Variants in LCP1 observed in about 807,000 individuals in gnomAD.
LCP1 encodes the protein lymphocyte cytosolic protein 1.
In LCP1, 23 loss-of-function variants were observed where a neutral mutation model predicts 72.0. The ratio of observed to expected loss-of-function variants is 0.32; its 90% CI spans 0.23 to 0.45. The LOEUF (loss-of-function observed/expected upper bound fraction) is 0.45, where lower values mean the gene tolerates loss of function less well. Ranked by LOEUF, LCP1 falls within the 20% of genes least tolerant of loss-of-function variation. LCP1 has a pLI of 1.00. For missense variants in LCP1, 571 were observed against 748.3 expected, an observed-to-expected ratio of 0.76 and a Z score of 2.76; for synonymous variants, 245 against 275.4, an observed-to-expected ratio of 0.89 and a Z score of 1.09.
rs544706473 is a variant in LCP1 at position 46,178,750 on chromosome 13, G to A, written c.-25+3361C>T. 1.4e-3 allele frequency among the ~76,000 whole-genome samples: 214 copies of A among 152,212 alleles called. 1 individual carries two copies. The Middle Eastern group carries it at 0.024, about 17-fold the overall frequency. On this transcript the variant is annotated intron_variant, in intron 1 of 15. Transcript: ENST00000323076. ...AAACTAGCAGATAAAAAAACACTAGGAAGAAAATTAGATTAACTGAAATAA... is the reference window on the plus strand; with the variant it reads ...AAACTAGCAGATAAAAAAACACTAGAAAGAAAATTAGATTAACTGAAATAA...
intron 1 of LCP1, among the ~76,000 whole-genome samples, chr13:46,161,546 T>C (rs2045838493): frequency 6.6e-6 from 1 of 152,122 alleles, no homozygotes; most frequent in South Asian, 2.1e-4. Flanking sequence ...TCTCTCTCTC[T>C]CCCTCCCTCT....
intron 9 of LCP1, 54 bp downstream of exon 9, chr13:46,148,298 G>A: frequency 1.6e-6 from 2 of 1,289,654 alleles, no homozygotes; most frequent in Non-Finnish European, 2.2e-6. Flanking sequence ...TAATGGAACT[G>A]CCAACATGAA....
At chr13:46,175,697 A>G (rs959120911) in intron 1 of LCP1, among the ~76,000 whole-genome samples, 4 of 152,206 alleles carry the variant, frequency 2.6e-5, no homozygotes, top group Admixed American at 6.5e-5. Flanking sequence ...TCCCAACATG[A>G]ATGACAGCAA....
intron 1 of LCP1, among the ~76,000 whole-genome samples, chr13:46,161,722 C>A (rs938968183): frequency 6.6e-6 from 1 of 152,084 alleles, no homozygotes; most frequent in African/African-American, 2.4e-5. Flanking sequence ...AGAAAGAAAG[C>A]GTAACTGAAA....
chr13:46,164,110 G>C (rs533222931), intron 1 of LCP1, among the ~76,000 whole-genome samples: 2 of 152,302 alleles, frequency 1.3e-5, no homozygotes, highest in Admixed American at 1.3e-4. Context: ...CAATGTCAAA[G>C]GTAAGGAGGA....
intron 15 of LCP1, among the ~76,000 whole-genome samples, chr13:46,129,845 T>C (rs1419349801): frequency 6.6e-6 from 1 of 152,194 alleles, no homozygotes; most frequent in Non-Finnish European, 1.5e-5. Flanking sequence ...CAGATGTAAG[T>C]AGTTAAGACG....
rs1201297488 is a variant in LCP1 at position 46,126,838 on chromosome 13, G to A, written c.*753C>T. 1 of 230,852 alleles carries A rather than the reference G, an allele frequency of 4.3e-6. No individual in the cohort carries two copies. Among genetic ancestry groups the A allele is most frequent in the African/African-American group, 2.2e-5 (1 of 45,216 alleles). 14.3% of individuals were successfully genotyped at this position (230,852 alleles called of 1,614,324 possible). A position where few individuals can be genotyped will look rare whatever the true frequency, so the allele number is the denominator to read the frequency against. ...GCAGAGTATTCAAGATGTTAGATCT[G>A]GTCCAAGCCCAAATTCTAGAGTTAA... On this transcript the variant is annotated 3_prime_UTR_variant, in exon 16 of 16. Transcript: ENST00000323076.
chr13:46,134,328 A>T, intron 13 of LCP1, 78 bp from the exon 14 acceptor site: 4 of 1,446,368 alleles, frequency 2.8e-6, no homozygotes, highest in African/African-American at 1.4e-5. Context: ...TAAGGATGGA[A>T]TTTTTTTTTC....
At chr13:46,131,010 G>A in intron 14 of LCP1, 72 bp from the exon 15 acceptor site, 1 of 1,469,944 alleles carries the variant, frequency 6.8e-7, no homozygotes, top group Non-Finnish European at 9.0e-7. Flanking sequence ...AAGGAAGTGG[G>A]TGGCTTTTTC....
Position 46,150,929 on chromosome 13 carries a change from C to T in LCP1, c.882+7G>A, listed in dbSNP as rs1257061088. The T allele has an allele frequency of 2.5e-6, 4 of 1,612,554 alleles. No homozygotes were observed. The highest frequency in any genetic ancestry group is 3.4e-6 in the Non-Finnish European group (4 of 1,179,410). Reference sequence around the variant, plus strand: ...AGAGAGTCATGTTCAAACAACGCTCCTCCTACCTTGATGTCAGTACTGAAG... The same window carrying T: ...AGAGAGTCATGTTCAAACAACGCTCTTCCTACCTTGATGTCAGTACTGAAG... On this transcript the variant is annotated splice_region_variant and intron_variant, in intron 8 of 15. Transcript: ENST00000323076.
intron 4 of LCP1, 141 bp downstream of exon 4, chr13:46,158,381 G>T: frequency 2.4e-6 from 2 of 821,804 alleles, no homozygotes; most frequent in Non-Finnish European, 3.8e-6. Flanking sequence ...ACCCAGAACT[G>T]ACCCACTTAG....
At chr13:46,131,672 C>T (rs1463881219) in intron 14 of LCP1, among the ~76,000 whole-genome samples, 1 of 152,054 alleles carries the variant, frequency 6.6e-6, no homozygotes, top group Non-Finnish European at 1.5e-5. Context: ...TACTATGCAG[C>T]CACAAAAGAG....
chr13:46,158,802 C>T (rs370470270), intron 3 of LCP1, 24 bp downstream of exon 3: 32 of 1,612,008 alleles, frequency 2.0e-5, no homozygotes, highest in Non-Finnish European at 2.5e-5. Flanking sequence ...AAATGTGTCT[C>T]CTTGTATTCT....
intron 13 of LCP1, among the ~76,000 whole-genome samples, chr13:46,136,664 A>C (rs1251577164): frequency 1.3e-5 from 2 of 152,182 alleles, no homozygotes; most frequent in Non-Finnish European, 2.9e-5. Context: ...TTATGGCATA[A>C]CTGGCTTCTT....
intron 10 of LCP1, among the ~76,000 whole-genome samples, chr13:46,146,590 A>G (rs903391531): frequency 6.6e-6 from 1 of 152,226 alleles, no homozygotes. Flanking sequence ...AACACAGTCC[A>G]TTAAGTACGT....
chr13:46,161,675 A>G (rs868528069), intron 1 of LCP1, among the ~76,000 whole-genome samples: 15 of 152,290 alleles, frequency 9.8e-5, no homozygotes, highest in African/African-American at 3.6e-4. Flanking sequence ...ATATATCCAA[A>G]CCCAAGAGTT....
Position 46,156,499 on chromosome 13 carries a change from T to C in LCP1, c.430A>G (p.Ile144Val). The change falls in exon 5 of 16, where the codon ATC (isoleucine) becomes GTC (valine). Residue 144 changes from isoleucine (I) to valine (V), a missense_variant. Transcript: ENST00000323076. The part of the protein sequence containing the change: ...LENDPDCRHV[I>V]PMNPNTNDLF... ...TCATTCGTGTTTGGGTTCATTGGGA[T>C]GACATGCCGACAATCAGGATCATTT... 1.2e-6 allele frequency: 2 copies of C among 1,614,164 alleles called. No homozygotes were observed. The highest frequency in any genetic ancestry group is 1.7e-6 in the Non-Finnish European group (2 of 1,179,966).
At chr13:46,138,973 C>T (rs1222098832) in intron 13 of LCP1, among the ~76,000 whole-genome samples, 1 of 152,102 alleles carries the variant, frequency 6.6e-6, no homozygotes. Flanking sequence ...ATTAAAATAG[C>T]ATATATTAAA....
chr13:46,154,655 T>C (rs1593954754), intron 6 of LCP1, 150 bp downstream of exon 6: 1 of 595,762 alleles, frequency 1.7e-6, no homozygotes, highest in East Asian at 2.9e-5. Flanking sequence ...CAGAAATGTA[T>C]CCCTTTATCC....
Sources: allele counts gnomAD v4.1 joint callset (sites outside exome capture counted in the v4.1 genomes callset), GRCh38; gene constraint gnomAD v4.1.1; transcripts MANE v1.5; gene names NCBI Gene and HGNC (gene_info 2026-07-23, HGNC 2026-07-21).